The following GIGYF1 variants were observed in gnomAD, a reference collection of about 807,000 sequenced individuals.
The protein encoded by GIGYF1 is GRB10 interacting GYF protein 1.
A neutral mutation model predicts 147.1 loss-of-function variants in GIGYF1; 84 were observed. The observed-to-expected ratio is 0.57, with a 90% CI of 0.48 to 0.68. The LOEUF (loss-of-function observed/expected upper bound fraction) is 0.68, where lower values mean the gene tolerates loss of function less well. Ranked by LOEUF, GIGYF1 falls within the 30% of genes least tolerant of loss-of-function variation. GIGYF1 has a pLI of 0.00. For missense variants in GIGYF1, 1,485 were observed against 1,393.7 expected (o/e 1.07, Z -1.04); for synonymous variants, 752 against 589.5 (o/e 1.28, Z -3.99).
Position 100,686,697 on chromosome 7 carries a change from C to A in GIGYF1, c.646G>T (p.Gly216Ter). 1 of 1,613,248 alleles carries A rather than the reference C, an allele frequency of 6.2e-7. No homozygotes were observed. The highest frequency in any genetic ancestry group is 8.5e-7 in the Non-Finnish European group (1 of 1,179,858). Residue 216 changes from glycine (G) to a stop codon, truncating the protein, a stop_gained, in exon 10 of 27, where the codon GGA becomes TGA. Transcript: ENST00000678049. LOFTEE classifies it high-confidence loss of function. ...TCGCCGTCTCGCCGGGGCCCTGCTC[C>A]GAGCCTCCAGCTGCCCTCCTCCTCC... ...EEEEEGSWRL[G>*]AGPRRDGDRW...
At chr7:100,685,274 C>T in intron 13 of GIGYF1, 70 bp downstream of exon 13, 1 of 1,538,726 alleles carries the variant, frequency 6.5e-7, no homozygotes, top group Non-Finnish European at 8.8e-7. Flanking sequence ...TGTGCCCACC[C>T]CCACGAGTGG....
At chr7:100,692,269 T>C (rs1805888291) in intron 1 of GIGYF1, among the ~76,000 whole-genome samples, 1 of 152,150 alleles carries the variant, frequency 6.6e-6, no homozygotes, top group South Asian at 2.1e-4. Flanking sequence ...TCCCAGCAAA[T>C]CACACCACCG....
chr7:100,686,291 T>C lies in GIGYF1; in HGVS notation c.837A>G (p.Arg279=), dbSNP rs143725633. 20,266 of 1,614,000 alleles carry C rather than the reference T, an allele frequency of 0.013. 175 individuals carry two copies. The highest frequency in any genetic ancestry group is 0.015 in the Non-Finnish European group (17,725 of 1,179,968). ...TGTCCTCCTCAAAGCCTTCAGGCGC[T>C]CGGCACCGCCGCAGGTGAGAGCTGC... ...GGGSSHLRRC[R]APEGFEEDKD... Residue 279 remains arginine, a synonymous_variant, in exon 11 of 27, where the codon CGA becomes CGG. Transcript: ENST00000678049.
Position 100,688,291 on chromosome 7 carries a change from G to A in GIGYF1, c.-53C>T, listed in dbSNP as rs1805570664. The A allele has an allele frequency of 6.4e-6, 8 of 1,241,752 alleles. No homozygotes were observed. Among genetic ancestry groups the A allele is most frequent in the Admixed American group, 5.2e-5 (3 of 57,162 alleles). 76.9% of individuals were successfully genotyped at this position (1,241,752 alleles called of 1,614,324 possible). On this transcript the variant is annotated 5_prime_UTR_variant, in exon 4 of 27. In the 5' UTR this introduces an upstream ATG that the reference lacks. Transcript: ENST00000678049. ...GGGGGTGGGGAGGAGGGGACCTGGC[G>A]TTCACTGTCCAAACACCTGTGGGGG...
rs1336198493 is a variant in GIGYF1 at position 100,683,733 on chromosome 7, G to A, written c.1969+85C>T. On this transcript the variant is annotated intron_variant, in intron 19 of 26. Coordinates refer to ENST00000678049, the MANE Select transcript of GIGYF1 (RefSeq NM_001375765.1). ...GGCTCCCCAGCCAGAATGGCAGCTA[G>A]GGGCGTGTGGGGGTGGGGAGCAGAC... 35 of 1,544,670 alleles carry A rather than the reference G, an allele frequency of 2.3e-5. 1 individual carries two copies. In the South Asian group the frequency reaches 3.5e-4, roughly 15 times the overall value.
intron 10 of GIGYF1, 32 bp downstream of exon 10, chr7:100,686,617 C>G: frequency 1.9e-6 from 3 of 1,586,588 alleles, no homozygotes; most frequent in Admixed American, 1.8e-5. Flanking sequence ...CTCCCCACTG[C>G]CCCCGCCAAT....
intron 10 of GIGYF1, 56 bp from the exon 11 acceptor site, chr7:100,686,489 C>G: frequency 6.5e-7 from 1 of 1,535,150 alleles, no homozygotes; most frequent in South Asian, 1.3e-5. Context: ...AGCCAGCGGC[C>G]CCCTCTGCTG....
At chr7:100,690,438 T>G (rs1384845335) in intron 1 of GIGYF1, among the ~76,000 whole-genome samples, 1 of 151,972 alleles carries the variant, frequency 6.6e-6, no homozygotes, top group Non-Finnish European at 1.5e-5. Flanking sequence ...CCAGCCTGAG[T>G]AACAGAACAA....
Position 100,684,821 on chromosome 7 carries a change from G to C in GIGYF1, c.1364C>G (p.Thr455Ser), listed in dbSNP as rs746400309. 1.1e-5 allele frequency: 18 copies of C among 1,609,778 alleles called. No individual in the cohort carries two copies. The South Asian group carries it at 1.9e-4, about 17-fold the overall frequency. The part of the protein sequence containing the change: ...EEEQFTAAMQ[T>S]QGLRHSAAAT... ...GGCTGCAGAGTGGCGCAGGCCCTGGGTCTGCATGGCAGCCGTGAACTGCTC... is the reference window on the plus strand; with the variant it reads ...GGCTGCAGAGTGGCGCAGGCCCTGGCTCTGCATGGCAGCCGTGAACTGCTC... The change falls in exon 15 of 27, where the codon ACC becomes AGC. Residue 455 changes from threonine to serine, a missense_variant. Coordinates refer to ENST00000678049, the MANE Select transcript of GIGYF1 (RefSeq NM_001375765.1).
rs781040173 is a variant in GIGYF1 at position 100,686,772 on chromosome 7, C to A, written c.571G>T (p.Ala191Ser). 2 of 1,614,056 alleles carry A rather than the reference C, an allele frequency of 1.2e-6. No homozygotes were observed. Among genetic ancestry groups the A allele is most frequent in the South Asian group, 2.2e-5 (2 of 91,088 alleles). The change falls in exon 10 of 27, where the codon GCC (alanine) becomes TCC (serine). Residue 191 changes from alanine to serine, a missense_variant. Physicochemically the swap from Ala to Ser is moderately conservative, Grantham distance 99. Transcript: ENST00000678049. The stretch of plus-strand genomic sequence containing the variant: ...CGCCAGTTCTCGCTGTCTGAGCGGG[C>A]GTGCTCCTTCCTTGGGCCAGCCCCT... Reference protein sequence around the residue: ...EGGAGPRKEHARSDSENWRSL... With the variant: ...EGGAGPRKEHSRSDSENWRSL...
In GIGYF1 at chr7:100,684,627, A is replaced by G; in HGVS notation, c.1463-11T>C. The G allele has an allele frequency of 6.2e-7, 1 of 1,613,972 alleles. No homozygotes were observed. The highest frequency in any genetic ancestry group is 8.5e-7 in the Non-Finnish European group (1 of 1,179,934). On this transcript the variant is annotated splice_polypyrimidine_tract_variant and intron_variant, in intron 15 of 26. Coordinates refer to ENST00000678049, the MANE Select transcript of GIGYF1 (RefSeq NM_001375765.1). ...GTGTCGTGAAGGGGCCTGGACAGGGAGCGAGGGAGCGGGAGAACCACTGGG... is the reference window on the plus strand; with the variant it reads ...GTGTCGTGAAGGGGCCTGGACAGGGGGCGAGGGAGCGGGAGAACCACTGGG...
chr7:100,687,461 G>C (rs771636325), intron 7 of GIGYF1, 44 bp downstream of exon 7: 12 of 1,605,752 alleles, frequency 7.5e-6, no homozygotes, highest in Non-Finnish European at 9.4e-6. Context: ...CGAAGTCAGG[G>C]GCCCAGATCT....
At chr7:100,685,765 C>T (rs908128196) in intron 12 of GIGYF1, among the ~76,000 whole-genome samples, 1 of 152,190 alleles carries the variant, frequency 6.6e-6, no homozygotes, top group African/African-American at 2.4e-5. Flanking sequence ...TTTCAAAGGT[C>T]ATTTTGATTA....
rs201150421 is a variant in GIGYF1 at position 100,682,315 on chromosome 7, C to G, written c.2761+7G>C. On this transcript the variant is annotated splice_region_variant and intron_variant, in intron 24 of 26. Coordinates refer to ENST00000678049, the MANE Select transcript of GIGYF1 (RefSeq NM_001375765.1). The stretch of plus-strand genomic sequence containing the variant: ...TCCCGCCCACCTCCTGGGAGCCGCT[C>G]GCCCACCGTCCAGGCTGCCCGTGGC... 3 of 1,610,862 alleles carry G rather than the reference C, an allele frequency of 1.9e-6. No homozygotes were observed. The highest frequency in any genetic ancestry group is 1.3e-5 in the African/African-American group (1 of 75,042).
intron 14 of GIGYF1, 53 bp from the exon 15 acceptor site, chr7:100,684,947 G>A: frequency 6.3e-7 from 1 of 1,584,976 alleles, no homozygotes; most frequent in Non-Finnish European, 8.6e-7. Context: ...AGCAACATCA[G>A]GATGGGGATG....
Position 100,680,975 on chromosome 7 carries a change from C to G in GIGYF1, c.*744G>C, listed in dbSNP as rs1037035467. On this transcript the variant is annotated 3_prime_UTR_variant, in exon 27 of 27. Transcript: ENST00000678049. The stretch of plus-strand genomic sequence containing the variant: ...ACCCTGCCAGCCAGAGAGGTTGGCA[C>G]GGCTTGGCCCCTCCCGTCTACTCGG... 6.5e-6 allele frequency: 1 copy of G among 152,678 alleles called. No homozygotes were observed. Among genetic ancestry groups the G allele is most frequent in the African/African-American group, 2.4e-5 (1 of 41,462 alleles). The allele number at this position is 152,678 out of a possible 1,614,324, so 9.5% of individuals were successfully genotyped here. A position where few individuals can be genotyped will look rare whatever the true frequency, so the allele number is the denominator to read the frequency against.
rs781162981 is a variant in GIGYF1 at position 100,683,037 on chromosome 7, C to A, written c.2387G>T (p.Arg796Leu). The A allele has an allele frequency of 3.9e-6, 6 of 1,552,186 alleles. No individual in the cohort carries two copies. The highest frequency in any genetic ancestry group is 1.9e-4 in the Middle Eastern group (1 of 5,190). The change falls in exon 22 of 27, where the codon CGG becomes CTG. Residue 796 changes from arginine (R) to leucine (L), a missense_variant. Coordinates refer to ENST00000678049, the MANE Select transcript of GIGYF1 (RefSeq NM_001375765.1). ...CACTCGGTGGTTGGGGGCCTGGGCCCGAGCTGGCTCCCGAGGTGGGGGCTG... is the reference window on the plus strand; with the variant it reads ...CACTCGGTGGTTGGGGGCCTGGGCCAGAGCTGGCTCCCGAGGTGGGGGCTG... Reference protein sequence around the residue: ...HKQPPPREPARAQAPNHRVQL... With the variant: ...HKQPPPREPALAQAPNHRVQL...
At chr7:100,682,899 A>G (rs2131370285) in intron 22 of GIGYF1, 113 bp downstream of exon 22, 2 of 1,277,380 alleles carry the variant, frequency 1.6e-6, no homozygotes, top group Middle Eastern at 2.2e-4. Flanking sequence ...TGTTGCCATC[A>G]CAGGAGAGGC....
At chr7:100,685,786 C>G (rs1225298312) in intron 12 of GIGYF1, among the ~76,000 whole-genome samples, 188 bp downstream of exon 12, 3 of 152,218 alleles carry the variant, frequency 2.0e-5, no homozygotes, top group African/African-American at 4.8e-5. Flanking sequence ...CGCCTGATTT[C>G]TATCTGGTAC....
Sources: gnomAD v4.1 joint callset for allele counts (sites outside exome capture counted in the v4.1 genomes callset) on GRCh38, gnomAD v4.1.1 for gene constraint, MANE v1.5 for transcripts, NCBI Gene and HGNC (gene_info 2026-07-23, HGNC 2026-07-21) for gene names.